The following BBS9 variants were observed in gnomAD, a reference collection of about 807,000 sequenced individuals.
BBS9 encodes the protein protein PTHB1.
BBS9 carries 89 observed loss-of-function variants against 117.7 expected under a neutral mutation model. That is an observed-to-expected ratio of 0.76 (90% CI 0.64 to 0.90). The LOEUF (loss-of-function observed/expected upper bound fraction) is 0.90, where lower values mean the gene tolerates loss of function less well. Among genes scored for constraint, BBS9 ranks in the 40% least tolerant of loss-of-function variants. The probability of loss-of-function intolerance (pLI) is 0.00; values close to 1 mark genes in which losing one functional copy is unlikely to be tolerated. For synonymous variants in BBS9, 379 were observed against 370.9 expected, an observed-to-expected ratio of 1.02 and a Z score of -0.25; for missense variants, 982 against 1,042.2, an observed-to-expected ratio of 0.94 and a Z score of 0.80.
intron 18 of BBS9, among the ~76,000 whole-genome samples, chr7:33,384,715 TGAGAGAGA>T (rs60567131): frequency 2.1e-5 from 3 of 144,718 alleles, no homozygotes; most frequent in Non-Finnish European, 4.5e-5. Context: ...TGTGTGTGTG[TGAGAGAGA>T]GAGAGAGAGA....
At chr7:33,284,739 G>A (rs1161856733) in intron 9 of BBS9, among the ~76,000 whole-genome samples, 1 of 151,758 alleles carries the variant, frequency 6.6e-6, no homozygotes, top group African/African-American at 2.4e-5. Flanking sequence ...TTTGTCATTT[G>A]TTTTCTCTGT....
At chr7:33,547,634 A>G (rs146986301) in intron 21 of BBS9, among the ~76,000 whole-genome samples, 517 of 152,324 alleles carry the variant, frequency 3.4e-3, no homozygotes, top group African/African-American at 0.011. Flanking sequence ...GTAAATGGTC[A>G]GGTTATAATT....
intron 21 of BBS9, among the ~76,000 whole-genome samples, chr7:33,571,646 C>T (rs1335128400): frequency 6.6e-6 from 1 of 151,890 alleles, no homozygotes; most frequent in African/African-American, 2.4e-5. Flanking sequence ...TTTATAGTTA[C>T]ATGGTTTCAT....
At position 33,195,815 on chromosome 7, in the gene BBS9, G is replaced by A. The variant is rs527244352; in HGVS notation, c.442+18224G>A. Among the ~76,000 whole-genome samples, 28 of 152,088 alleles carry A rather than the reference G, an allele frequency of 1.8e-4. 1 individual carries two copies. The East Asian group carries it at 4.8e-3, about 26-fold the overall frequency. Reference sequence around the variant, plus strand: ...TGATTGTTTTTTCAGCCAAATGGAAGTTCAGAAAAGTAGAATTTTTACCAA... The same window carrying A: ...TGATTGTTTTTTCAGCCAAATGGAAATTCAGAAAAGTAGAATTTTTACCAA... On this transcript the variant is annotated intron_variant, in intron 5 of 22. Transcript: ENST00000242067.
chr7:33,432,336 C>T (rs2128879830), intron 19 of BBS9, among the ~76,000 whole-genome samples: 1 of 151,634 alleles, frequency 6.6e-6, no homozygotes, highest in East Asian at 1.9e-4. Flanking sequence ...GTCTCGATCT[C>T]CTGACCTCGT....
At chr7:33,476,073 T>C (rs1196898658) in intron 19 of BBS9, among the ~76,000 whole-genome samples, 10 of 152,190 alleles carry the variant, frequency 6.6e-5, no homozygotes, top group Non-Finnish European at 4.4e-5. Flanking sequence ...TTTTAGAATG[T>C]TTTTCATGCA....
chr7:33,343,136 A>C (rs1447409756), intron 11 of BBS9, among the ~76,000 whole-genome samples: 1 of 152,158 alleles, frequency 6.6e-6, no homozygotes, highest in Non-Finnish European at 1.5e-5. Flanking sequence ...CATTGCTTAG[A>C]AGTGGCTTAG....
chr7:33,299,787 G>A lies in BBS9; in HGVS notation c.1016+25831G>A, dbSNP rs182766438. Reference sequence around the variant, plus strand: ...ACTACTAGTATTTTTTTATTTTACAGATGAGATAAGAGACGCTTAGAAACG... The same window carrying A: ...ACTACTAGTATTTTTTTATTTTACAAATGAGATAAGAGACGCTTAGAAACG... On this transcript the variant is annotated intron_variant, in intron 9 of 22. Coordinates refer to ENST00000242067, the MANE Select transcript of BBS9 (RefSeq NM_198428.3). Among the ~76,000 whole-genome samples, 1,002 of 152,166 alleles carry A rather than the reference G, an allele frequency of 6.6e-3. 14 individuals carry two copies. The highest frequency in any genetic ancestry group is 0.043 in the South Asian group (209 of 4,822).
At chr7:33,342,291 C>T (rs989981924) in intron 11 of BBS9, among the ~76,000 whole-genome samples, 1 of 152,210 alleles carries the variant, frequency 6.6e-6, no homozygotes, top group East Asian at 1.9e-4. Context: ...CCATTCAGCA[C>T]ACACCATTTT....
At position 33,605,213 on chromosome 7, in the gene BBS9, G is replaced by A. The variant is rs769046790; in HGVS notation, c.2651G>A (p.Gly884Glu). 1.1e-5 allele frequency: 17 copies of A among 1,612,802 alleles called. No homozygotes were observed. Among genetic ancestry groups the A allele is most frequent in the Non-Finnish European group, 1.4e-5 (16 of 1,178,962 alleles). ...TPRPEVSPLQ[G>E]VSE ...TTTCCAGAAGTTTCACCCCTCCAAG[G>A]AGTCTCGGAATAATTCAAGTAGAGT... The change falls in exon 23 of 23, where the codon GGA becomes GAA. Residue 884 changes from glycine (G) to glutamate (E), a missense_variant. Coordinates refer to ENST00000242067, the MANE Select transcript of BBS9 (RefSeq NM_198428.3).
chr7:33,420,648 A>G (rs1202414930), intron 19 of BBS9, among the ~76,000 whole-genome samples: 2 of 152,128 alleles, frequency 1.3e-5, no homozygotes, highest in Non-Finnish European at 2.9e-5. Context: ...TGAGGAGCCC[A>G]CTGCTTTTTT....
At chr7:33,233,238 T>A (rs559145008) in intron 5 of BBS9, among the ~76,000 whole-genome samples, 1 of 152,118 alleles carries the variant, frequency 6.6e-6, no homozygotes. Context: ...TCTCTTTTTG[T>A]TTTGTTTTTG....
At chr7:33,574,684 AACACACACACACACACACACACACAC>A (rs371229936) in intron 21 of BBS9, among the ~76,000 whole-genome samples, 1 of 137,568 alleles carries the variant, frequency 7.3e-6, no homozygotes, top group Non-Finnish European at 1.6e-5. Context: ...AGTCATAGAA[AACACACACACACACACACACACACAC>A]ACACACACAC....
At chr7:33,395,425 C>A in intron 19 of BBS9, among the ~76,000 whole-genome samples, 1 of 152,128 alleles carries the variant, frequency 6.6e-6, no homozygotes, top group East Asian at 1.9e-4. Flanking sequence ...ATTAGACTTA[C>A]CCTATGACTT....
At chr7:33,337,207 A>T (rs555996985) in intron 10 of BBS9, among the ~76,000 whole-genome samples, 2 of 152,160 alleles carry the variant, frequency 1.3e-5, no homozygotes, top group East Asian at 3.9e-4. Context: ...TTACTTTGGG[A>T]CTCAAAAGGG....
rs547166400 is a variant in BBS9, at chr7:33,587,806, A to T, written c.2522-17059A>T. Among the ~76,000 whole-genome samples, 3 of 152,224 alleles carry T rather than the reference A, an allele frequency of 2.0e-5. No individual in the cohort carries two copies. In the South Asian group the frequency reaches 6.2e-4, roughly 32 times the overall value. On this transcript the variant is annotated intron_variant, in intron 21 of 22. Coordinates refer to ENST00000242067, the MANE Select transcript of BBS9 (RefSeq NM_198428.3). The stretch of plus-strand genomic sequence containing the variant: ...GATTTATGCTAGTAAAGAGTTAGGG[A>T]GGAATTTGAAATGTTTATGTTACCA...
intron 20 of BBS9, among the ~76,000 whole-genome samples, chr7:33,530,170 A>G (rs1032185235): frequency 2.6e-5 from 4 of 152,190 alleles, no homozygotes; most frequent in Non-Finnish European, 5.9e-5. Flanking sequence ...TTTTAGTTTT[A>G]TATTTGAATT....
At position 33,334,398 on chromosome 7, in the gene BBS9, C is replaced by G. The variant is rs186147339; in HGVS notation, c.1017-2043C>G. Among the ~76,000 whole-genome samples, 9 of 152,234 alleles carry G rather than the reference C, an allele frequency of 5.9e-5. 1 individual carries two copies. The South Asian group carries it at 1.5e-3, about 25-fold the overall frequency. On this transcript the variant is annotated intron_variant, in intron 9 of 22. Transcript: ENST00000242067. ...AATCTCACATTCTCTGAGAAGCCCC[C>G]CCCAGAGGTCTGCGCTTTAGCACCC... is the stretch of plus-strand genomic sequence containing the variant.
intron 21 of BBS9, among the ~76,000 whole-genome samples, chr7:33,572,830 C>G (rs1202464176): frequency 6.6e-6 from 1 of 151,856 alleles, no homozygotes. Context: ...AGAACTTTCT[C>G]TTGTCTATCA....
Sources: allele counts gnomAD v4.1 joint callset (sites outside exome capture counted in the v4.1 genomes callset), GRCh38; gene constraint gnomAD v4.1.1; transcripts MANE v1.5; gene names NCBI Gene and HGNC (gene_info 2026-07-23, HGNC 2026-07-21).